The following ILDR1 variants were observed in gnomAD, a reference collection of about 807,000 sequenced individuals.
ILDR1 encodes immunoglobulin like domain containing receptor 1.
Under a neutral mutation model 62.4 loss-of-function variants are expected in ILDR1, and 56 were observed. The ratio of observed to expected loss-of-function variants is 0.90; its 90% CI spans 0.72 to 1.12. The LOEUF (loss-of-function observed/expected upper bound fraction) is 1.12. ILDR1 is among the 50% of genes most tolerant of loss of function. The pLI is 0.00. For synonymous variants in ILDR1, 284 were observed against 277.8 expected, an observed-to-expected ratio of 1.02 and a Z score of -0.22; for missense variants, 736 against 710.6, an observed-to-expected ratio of 1.04 and a Z score of -0.41.
intron 1 of ILDR1, among the ~76,000 whole-genome samples, chr3:122,007,933 T>C (rs1224123834): frequency 6.6e-6 from 1 of 152,174 alleles, no homozygotes; most frequent in Non-Finnish European, 1.5e-5. Context: ...AACCTACCCC[T>C]AGGCAGCACT....
At chr3:122,054,524 A>C in the ILDR1 span, among the ~76,000 whole-genome samples, 2 of 151,982 alleles carry the variant, frequency 1.3e-5, no homozygotes, top group Non-Finnish European at 2.9e-5. Flanking sequence ...GTTTTTTGCC[A>C]TTTAGGGTTG....
intron 3 of ILDR1, among the ~76,000 whole-genome samples, chr3:122,002,201 G>T (rs545002869): frequency 2.0e-5 from 3 of 152,092 alleles, no homozygotes; most frequent in African/African-American, 7.2e-5. Context: ...TTACTTACTC[G>T]CAATCAAACC....
In ILDR1 at chr3:122,021,960, C is replaced by T. The variant is rs555259496; in HGVS notation, c.58+60G>A. On this transcript the variant is annotated intron_variant, in intron 1 of 7. Coordinates refer to ENST00000344209, the MANE Select transcript of ILDR1 (RefSeq NM_001199799.2). ...GCCCGCGGCCAGCTCTGCAAGGCCA[C>T]GCCACAATGGCTTCCTGTCTCCTTG... 1.6e-5 allele frequency: 25 copies of T among 1,526,964 alleles called. No individual in the cohort carries two copies. The South Asian group carries it at 2.1e-4, about 13-fold the overall frequency. The allele number at this position is 1,526,964 out of a possible 1,614,324, so 94.6% of individuals were successfully genotyped here. A position where few individuals can be genotyped will look rare whatever the true frequency, so the allele number is the denominator to read the frequency against.
intron 1 of ILDR1, among the ~76,000 whole-genome samples, chr3:122,019,385 G>A (rs997859958): frequency 6.6e-6 from 1 of 152,048 alleles, no homozygotes; most frequent in Non-Finnish European, 1.5e-5. Flanking sequence ...TTTATAAACT[G>A]TATATGTGTG....
the ILDR1 span, among the ~76,000 whole-genome samples, chr3:122,035,306 G>C: frequency 6.6e-6 from 1 of 152,138 alleles, no homozygotes; most frequent in African/African-American, 2.4e-5. Flanking sequence ...CTTAGTACTA[G>C]AGCTAGAGGA....
intron 1 of ILDR1, among the ~76,000 whole-genome samples, chr3:122,016,342 A>G (rs2071776635): frequency 6.6e-6 from 1 of 152,198 alleles, no homozygotes; most frequent in African/African-American, 2.4e-5. Context: ...AATTCCCTTT[A>G]GACAATAAGC....
chr3:121,996,937 G>T (rs180714245), intron 5 of ILDR1, among the ~76,000 whole-genome samples: 12 of 152,302 alleles, frequency 7.9e-5, no homozygotes, highest in Admixed American at 5.9e-4. Context: ...GTCTCGCTAT[G>T]TCACCCAGGC....
upstream of ILDR1, among the ~76,000 whole-genome samples, chr3:122,026,531 C>G (rs1303214091): frequency 1.3e-5 from 2 of 152,202 alleles, no homozygotes; most frequent in African/African-American, 4.8e-5. Context: ...TTTTCAAGCA[C>G]CTCAGACACA....
At chr3:122,022,869 C>T (rs1247660086), upstream of ILDR1, among the ~76,000 whole-genome samples, 3 of 151,768 alleles carry the variant, frequency 2.0e-5, no homozygotes, top group Admixed American at 6.6e-5. Flanking sequence ...GCGGAGATGG[C>T]GCCACTGCAC....
the ILDR1 span, among the ~76,000 whole-genome samples, chr3:122,047,769 G>A: frequency 8.5e-5 from 13 of 152,326 alleles, no homozygotes; most frequent in African/African-American, 2.2e-4. Context: ...GCCCTGCTTC[G>A]GCTTGCGCAC....
the ILDR1 span, among the ~76,000 whole-genome samples, chr3:122,051,424 A>G: frequency 3.3e-5 from 5 of 152,022 alleles, no homozygotes; most frequent in Non-Finnish European, 7.4e-5. Flanking sequence ...GAACCCCTCT[A>G]GTGAATGTTT....
the ILDR1 span, among the ~76,000 whole-genome samples, chr3:122,051,165 A>G: frequency 6.6e-6 from 1 of 152,006 alleles, no homozygotes; most frequent in Non-Finnish European, 1.5e-5. Context: ...TCTGTAGTCC[A>G]TTTTCTCCCT....
chr3:122,041,623 T>G, the ILDR1 span, among the ~76,000 whole-genome samples: 1 of 152,190 alleles, frequency 6.6e-6, no homozygotes, highest in African/African-American at 2.4e-5. Flanking sequence ...GTCTTTTACC[T>G]TTTTGTTTAA....
the ILDR1 span, among the ~76,000 whole-genome samples, chr3:122,053,309 T>C: frequency 6.6e-6 from 1 of 152,226 alleles, no homozygotes; most frequent in Non-Finnish European, 1.5e-5. Flanking sequence ...TTGTTTGTTG[T>C]TTCTTCTGCA....
At chr3:122,032,291 T>C in the ILDR1 span, among the ~76,000 whole-genome samples, 4 of 152,258 alleles carry the variant, frequency 2.6e-5, no homozygotes, top group African/African-American at 4.8e-5. Flanking sequence ...GTGTTTTGCA[T>C]GTATTTGTAG....
chr3:122,029,504 T>TAAAAAAAA, the ILDR1 span, among the ~76,000 whole-genome samples: 50 of 138,514 alleles, frequency 3.6e-4, no homozygotes, highest in African/African-American at 1.4e-3. Flanking sequence ...ACACTCCGTC[T>TAAAAAAAA]AAAAAAAATA....
chr3:122,041,910 CT>C, the ILDR1 span, among the ~76,000 whole-genome samples: 27,996 of 140,900 alleles, frequency 0.2, 2,580 homozygotes, highest in African/African-American at 0.25. Context: ...ATTTCTTTTT[CT>C]TTTTTTTTTT....
chr3:122,051,105 G>C, the ILDR1 span, among the ~76,000 whole-genome samples: 1 of 152,104 alleles, frequency 6.6e-6, no homozygotes, highest in Non-Finnish European at 1.5e-5. Context: ...ATGTGCTTCA[G>C]TGTCTATTTG....
chr3:122,046,703 G>C, the ILDR1 span, among the ~76,000 whole-genome samples: 1 of 143,986 alleles, frequency 6.9e-6, no homozygotes, highest in Non-Finnish European at 1.5e-5. Flanking sequence ...TCTTCCAGTT[G>C]ATCGCATTGG....
Sources: allele counts gnomAD v4.1 joint callset (sites outside exome capture counted in the v4.1 genomes callset), GRCh38; gene constraint gnomAD v4.1.1; transcripts MANE v1.5; gene names NCBI Gene and HGNC (gene_info 2026-07-23, HGNC 2026-07-21).